The following TM9SF3 variants were observed in gnomAD, a reference collection of about 807,000 sequenced individuals.
TM9SF3 encodes the protein transmembrane 9 superfamily member 3.
In TM9SF3, 14 loss-of-function variants were observed where a neutral mutation model predicts 78.6. The observed-to-expected ratio is 0.18, with a 90% CI of 0.12 to 0.28. The LOEUF (loss-of-function observed/expected upper bound fraction) is 0.28. Ranked by LOEUF, TM9SF3 falls within the 10% of genes least tolerant of loss-of-function variation. TM9SF3 has a pLI of 1.00. For missense variants in TM9SF3, 496 were observed against 721.9 expected, an observed-to-expected ratio of 0.69 and a Z score of 3.59; for synonymous variants, 231 against 241.7, an observed-to-expected ratio of 0.96 and a Z score of 0.41.
At chr10:96,578,894 G>T (rs1848528833) in intron 1 of TM9SF3, among the ~76,000 whole-genome samples, 1 of 152,198 alleles carries the variant, frequency 6.6e-6, no homozygotes, top group African/African-American at 2.4e-5. Flanking sequence ...TGGCCAACAT[G>T]GTGAAACCCT....
chr10:96,538,465 C>T (rs1847984703), intron 9 of TM9SF3, among the ~76,000 whole-genome samples: 1 of 152,050 alleles, frequency 6.6e-6, no homozygotes, highest in South Asian at 2.1e-4. Context: ...TTAGTGATGT[C>T]TGGTTTGGCA....
At chr10:96,536,657 C>T (rs1847964106) in intron 9 of TM9SF3, among the ~76,000 whole-genome samples, 1 of 152,128 alleles carries the variant, frequency 6.6e-6, no homozygotes, top group African/African-American at 2.4e-5. Context: ...CTCTGCCACC[C>T]CTGAGACAGC....
chr10:96,532,353 C>T (rs1847907987), intron 10 of TM9SF3, among the ~76,000 whole-genome samples: 1 of 151,982 alleles, frequency 6.6e-6, no homozygotes, highest in East Asian at 1.9e-4. Context: ...ATTCATCCTC[C>T]ATTTCTATAA....
intron 9 of TM9SF3, among the ~76,000 whole-genome samples, chr10:96,541,540 T>C (rs568803339): frequency 9.9e-5 from 15 of 152,206 alleles, no homozygotes; most frequent in Admixed American, 7.2e-4. Context: ...TGCACTACCA[T>C]GCCCAGCTAA....
intron 9 of TM9SF3, among the ~76,000 whole-genome samples, chr10:96,533,806 T>G (rs552341566): frequency 6.6e-6 from 1 of 152,358 alleles, no homozygotes; most frequent in African/African-American, 2.4e-5. Context: ...AATATTTTCC[T>G]GCCCATTAGT....
chr10:96,535,092 C>T (rs1323529116), intron 9 of TM9SF3, among the ~76,000 whole-genome samples: 1 of 152,152 alleles, frequency 6.6e-6, no homozygotes, highest in Non-Finnish European at 1.5e-5. Flanking sequence ...GCACATCTTG[C>T]CTTCTGTGCA....
chr10:96,578,594 T>C (rs1390803117), intron 1 of TM9SF3, among the ~76,000 whole-genome samples: 1 of 152,246 alleles, frequency 6.6e-6, no homozygotes, highest in Non-Finnish European at 1.5e-5. Context: ...CATTCATTAC[T>C]ATTCTTTTTA....
chr10:96,536,445 A>T (rs1330380995), intron 9 of TM9SF3, among the ~76,000 whole-genome samples: 1 of 152,232 alleles, frequency 6.6e-6, no homozygotes, highest in Non-Finnish European at 1.5e-5. Context: ...AAAACTTTTG[A>T]TCTATGTAAA....
At chr10:96,559,783 A>T in intron 4 of TM9SF3, 47 bp from the exon 5 acceptor site, 1 of 1,154,982 alleles carries the variant, frequency 8.7e-7, no homozygotes, top group African/African-American at 1.5e-5. Flanking sequence ...TAAACAAATT[A>T]ATAATCTGAT....
In TM9SF3 at chr10:96,562,154, C is replaced by T. The variant is rs747392588; in HGVS notation, c.422-16G>A. On this transcript the variant is annotated splice_polypyrimidine_tract_variant and intron_variant, in intron 3 of 14. Coordinates refer to ENST00000371142, the MANE Select transcript of TM9SF3 (RefSeq NM_020123.4). ...CCAACAATACCTACAAAAGAAAAAA[C>T]ACTTTATACAAGGTAAAACCACTTA... is the stretch of plus-strand genomic sequence containing the variant. 3.2e-6 allele frequency: 5 copies of T among 1,573,048 alleles called. No homozygotes were observed. In the South Asian group the frequency reaches 4.5e-5, roughly 14 times the overall value.
At chr10:96,564,442 A>C (rs1848346921) in intron 3 of TM9SF3, among the ~76,000 whole-genome samples, 1 of 152,218 alleles carries the variant, frequency 6.6e-6, no homozygotes, top group Non-Finnish European at 1.5e-5. Flanking sequence ...TGGTAACTGC[A>C]GTCATTTATA....
chr10:96,548,091 C>T (rs1412473616), intron 7 of TM9SF3, 102 bp from the exon 8 acceptor site: 2 of 696,774 alleles, frequency 2.9e-6, no homozygotes, highest in Non-Finnish European at 4.5e-6. Flanking sequence ...ATAACTTTAA[C>T]AGAAATACAA....
intron 3 of TM9SF3, 112 bp downstream of exon 3, chr10:96,565,190 CAG>C: frequency 9.9e-7 from 1 of 1,008,404 alleles, no homozygotes; most frequent in Non-Finnish European, 1.3e-6. Flanking sequence ...CTGTAAAAAA[CAG>C]TGAAAACACA....
intron 11 of TM9SF3, 92 bp downstream of exon 11, chr10:96,530,448 C>A (rs1372519520): frequency 2.0e-6 from 2 of 1,002,252 alleles, no homozygotes; most frequent in Non-Finnish European, 3.0e-6. Flanking sequence ...ATTAGATGTT[C>A]TCCCAACTGA....
chr10:96,584,318 A>G (rs1848606434), intron 1 of TM9SF3, among the ~76,000 whole-genome samples: 1 of 152,236 alleles, frequency 6.6e-6, no homozygotes, highest in Non-Finnish European at 1.5e-5. Context: ...CTCACTTGAC[A>G]TTAGCCTTTT....
chr10:96,584,483 A>G (rs1197392016), intron 1 of TM9SF3, among the ~76,000 whole-genome samples: 2 of 152,310 alleles, frequency 1.3e-5, no homozygotes, highest in Admixed American at 6.5e-5. Context: ...TATTCTTCCC[A>G]TAACTGTTTT....
In TM9SF3 at chr10:96,539,980, C is replaced by T. The variant is rs974962393; in HGVS notation, c.1185+4096G>A. 5.3e-5 allele frequency among the ~76,000 whole-genome samples: 8 copies of T among 152,118 alleles called. No homozygotes were observed. The East Asian group carries it at 5.8e-4, about 11-fold the overall frequency. On this transcript the variant is annotated intron_variant, in intron 9 of 14. Coordinates refer to ENST00000371142, the MANE Select transcript of TM9SF3 (RefSeq NM_020123.4). ...CTTCTGAAAACCAGACAAGATAATG[C>T]GTGTGAAAATGCTTTGTAAACTACA... is the stretch of plus-strand genomic sequence containing the variant.
rs759443156 is a variant in TM9SF3, at chr10:96,565,445, G to A, written c.299-19C>T. ...ACATCATCTGCACAAAATAAAAATT[G>A]CAAATTAGCCCACTAGTTTGCAAAA... On this transcript the variant is annotated intron_variant, in intron 2 of 14. Coordinates refer to ENST00000371142, the MANE Select transcript of TM9SF3 (RefSeq NM_020123.4). 2 of 1,519,358 alleles carry A rather than the reference G, an allele frequency of 1.3e-6. No homozygotes were observed. Among genetic ancestry groups the A allele is most frequent in the Non-Finnish European group, 1.7e-6 (2 of 1,147,622 alleles). The allele number at this position is 1,519,358 out of a possible 1,614,324, so 94.1% of individuals were successfully genotyped here.
chr10:96,554,098 C>T (rs571433015), intron 5 of TM9SF3, among the ~76,000 whole-genome samples: 1 of 152,224 alleles, frequency 6.6e-6, no homozygotes, highest in African/African-American at 2.4e-5. Flanking sequence ...TCAGCAATCT[C>T]CAAAGGTCCT....
Sources: allele counts gnomAD v4.1 joint callset (sites outside exome capture counted in the v4.1 genomes callset), GRCh38; gene constraint gnomAD v4.1.1; transcripts MANE v1.5; gene names NCBI Gene and HGNC (gene_info 2026-07-23, HGNC 2026-07-21).